MTO1: variants seen among roughly 807,000 people sequenced by gnomAD.
MTO1 encodes mitochondrial tRNA translation optimization 1.
A neutral mutation model predicts 71.6 loss-of-function variants in MTO1; 46 were observed. The observed-to-expected ratio is 0.64, with a 90% CI of 0.51 to 0.82. The LOEUF (loss-of-function observed/expected upper bound fraction) is 0.82. Among genes scored for constraint, MTO1 ranks in the 40% least tolerant of loss-of-function variants. MTO1 has a pLI of 0.00. For synonymous variants in MTO1, 297 were observed against 312.1 expected, an observed-to-expected ratio of 0.95 and a Z score of 0.51; for missense variants, 773 against 867.5, an observed-to-expected ratio of 0.89 and a Z score of 1.37.
chr6:73,462,730 A>G (rs776535813), intron 1 of MTO1, among the ~76,000 whole-genome samples: 9 of 152,200 alleles, frequency 5.9e-5, no homozygotes, highest in Non-Finnish European at 8.8e-5. Context: ...TCCGTCTCAA[A>G]ATAATGATAA....
intron 1 of MTO1, among the ~76,000 whole-genome samples, chr6:73,465,390 C>A (rs1770954668): frequency 1.3e-5 from 2 of 152,164 alleles, no homozygotes; most frequent in Middle Eastern, 3.4e-3. Flanking sequence ...TCTCAAACTT[C>A]TGAGCTCCAG....
intron 9 of MTO1, among the ~76,000 whole-genome samples, chr6:73,488,429 T>G (rs1317104306): frequency 6.6e-6 from 1 of 152,152 alleles, no homozygotes; most frequent in African/African-American, 2.4e-5. Flanking sequence ...CACCTTGGTC[T>G]CCCAAAGCAC....
At chr6:73,482,879 C>A (rs1771551195) in intron 9 of MTO1, among the ~76,000 whole-genome samples, 2 of 150,350 alleles carry the variant, frequency 1.3e-5, no homozygotes, top group African/African-American at 4.9e-5. Flanking sequence ...GCAAGCTCCG[C>A]CTCCCGGGTT....
intron 7 of MTO1, among the ~76,000 whole-genome samples, chr6:73,481,487 C>A (rs1771490663): frequency 6.6e-6 from 1 of 151,676 alleles, no homozygotes; most frequent in South Asian, 2.1e-4. Context: ...GATTAACCGG[C>A]TGGGCATGGT....
chr6:73,481,506 C>T (rs1483443095), intron 7 of MTO1, among the ~76,000 whole-genome samples: 1 of 152,028 alleles, frequency 6.6e-6, no homozygotes, highest in Non-Finnish European at 1.5e-5. Flanking sequence ...GTGCGTCACA[C>T]CTGTAATCCC....
chr6:73,496,556 C>T (rs1771981677), intron 10 of MTO1, among the ~76,000 whole-genome samples: 1 of 150,312 alleles, frequency 6.7e-6, no homozygotes, highest in Admixed American at 6.7e-5. Context: ...CATATGTATA[C>T]ATGTGCCATG....
intron 1 of MTO1, among the ~76,000 whole-genome samples, chr6:73,464,766 T>C (rs183172396): frequency 3.3e-4 from 43 of 129,156 alleles, no homozygotes; most frequent in African/African-American, 1.2e-3. Context: ...ACTCGGGAGG[T>C]GGAGGTTGCA....
chr6:73,486,208 G>A (rs1277865539), intron 9 of MTO1, among the ~76,000 whole-genome samples: 1 of 152,044 alleles, frequency 6.6e-6, no homozygotes, highest in Non-Finnish European at 1.5e-5. Flanking sequence ...CTCCCAAAGT[G>A]CTGGGATTAC....
rs1450305509 is a variant in MTO1 at position 73,505,636 on chromosome 6, A to G, written c.*4901A>G. 1.3e-5 allele frequency: 2 copies of G among 152,060 alleles called. No individual in the cohort carries two copies. The highest frequency in any genetic ancestry group is 2.4e-5 in the African/African-American group (1 of 41,410). 9.4% of individuals were successfully genotyped at this position (152,060 alleles called of 1,614,324 possible). On this transcript the variant is annotated 3_prime_UTR_variant, in exon 12 of 12. Coordinates refer to ENST00000498286, the MANE Select transcript of MTO1 (RefSeq NM_012123.4). ...AATGGTGTGATCTTGGTTCACTGCA[A>G]CCTCTGCCTCCTAGGTTCAAATGAT...
chr6:73,478,912 G>A (rs1359960466), intron 4 of MTO1, among the ~76,000 whole-genome samples: 1 of 143,284 alleles, frequency 7.0e-6, no homozygotes, highest in Non-Finnish European at 1.5e-5. Flanking sequence ...TTTTTGAGAC[G>A]GAATCTCGCC....
intron 1 of MTO1, among the ~76,000 whole-genome samples, chr6:73,465,708 C>T (rs562804246): frequency 5.9e-5 from 9 of 152,030 alleles, no homozygotes; most frequent in African/African-American, 2.2e-4. Context: ...AAGTTCAGGC[C>T]GGGCGCGGTG....
At chr6:73,462,377 A>C in intron 1 of MTO1, 5 of 452,400 alleles carry the variant, frequency 1.1e-5, no homozygotes, top group Non-Finnish European at 2.0e-5. Flanking sequence ...TTCTTAGTTC[A>C]TTGCTGCGTT....
chr6:73,493,773 AAAT>A (rs1771903222), intron 10 of MTO1, among the ~76,000 whole-genome samples: 1 of 152,080 alleles, frequency 6.6e-6, no homozygotes, highest in Non-Finnish European at 1.5e-5. Context: ...ATAATGAGAA[AAAT>A]AATACTATCT....
intron 8 of MTO1, 99 bp from the exon 9 acceptor site, chr6:73,482,350 T>C: frequency 1.3e-6 from 2 of 1,548,832 alleles, no homozygotes; most frequent in Non-Finnish European, 1.8e-6. Flanking sequence ...GGCCAGGAGT[T>C]TAGGACTAGC....
chr6:73,479,478 G>A (rs1438519069), intron 4 of MTO1, among the ~76,000 whole-genome samples: 1 of 152,124 alleles, frequency 6.6e-6, no homozygotes, highest in African/African-American at 2.4e-5. Flanking sequence ...CTGGGCAACA[G>A]AGTGAGACTC....
chr6:73,482,907 TCAGCCCC>T lies in MTO1; in HGVS notation c.1637+289_1637+295del, dbSNP rs1203229916. 9.7e-5 allele frequency among the ~76,000 whole-genome samples: 14 copies of T among 144,710 alleles called. No individual in the cohort carries two copies. The East Asian group carries it at 3.1e-3, about 32-fold the overall frequency. 94.9% of individuals were successfully genotyped at this position (144,710 alleles called of 152,430 possible). ...CCCGGGTTCGCGCCATTCTCCTGCC[TCAGCCCC>T]CCGAGTAGCTGGGACTACAGGCGCC... On this transcript the variant is annotated intron_variant, in intron 9 of 11. Coordinates refer to ENST00000498286, the MANE Select transcript of MTO1 (RefSeq NM_012123.4).
In MTO1 at chr6:73,492,238, C is replaced by CT. The variant is rs1441249554; in HGVS notation, c.1643dup (p.Asp549ArgfsTer6). On this transcript the variant is annotated frameshift_variant, in exon 10 of 12. Transcript: ENST00000498286. LOFTEE classifies it high-confidence loss of function. ...GAAACTTTCATATATTTGCAGAGCT[C>CT]TCGATGTTCTGAAGTATGAGGAAGT... is the stretch of plus-strand genomic sequence containing the variant. The CT allele has an allele frequency of 1.2e-5, 19 of 1,606,316 alleles. No individual in the cohort carries two copies. Among genetic ancestry groups the CT allele is most frequent in the Non-Finnish European group, 1.5e-5 (18 of 1,173,286 alleles).
At chr6:73,469,834 C>T (rs1044659594) in intron 3 of MTO1, among the ~76,000 whole-genome samples, 4 of 151,948 alleles carry the variant, frequency 2.6e-5, no homozygotes, top group Admixed American at 6.6e-5. Context: ...GGAGAAACCC[C>T]GTCTCTACTA....
intron 3 of MTO1, 62 bp from the exon 4 acceptor site, chr6:73,473,303 C>G (rs562671452): frequency 1.2e-4 from 154 of 1,337,512 alleles, no homozygotes; most frequent in East Asian, 3.5e-4. Context: ...TAGATAGATA[C>G]ATAGATACAT....
Sources: allele counts gnomAD v4.1 joint callset (sites outside exome capture counted in the v4.1 genomes callset), GRCh38; gene constraint gnomAD v4.1.1; transcripts MANE v1.5; gene names NCBI Gene and HGNC (gene_info 2026-07-23, HGNC 2026-07-21).